The following GPHN variants were observed in gnomAD, a reference collection of about 807,000 sequenced individuals.
GPHN encodes gephyrin.
In GPHN, 17 loss-of-function variants were observed where a neutral mutation model predicts 95.5. The ratio of observed to expected loss-of-function variants is 0.18; its 90% CI spans 0.12 to 0.27. The LOEUF (loss-of-function observed/expected upper bound fraction) is 0.27. Among genes scored for constraint, GPHN ranks in the 10% least tolerant of loss-of-function variants. The pLI, the probability that GPHN is intolerant of heterozygous loss-of-function variation, is 1.00. For missense variants in GPHN, 660 were observed against 978.1 expected (o/e 0.67, Z 4.34); for synonymous variants, 320 against 322.5 (o/e 0.99, Z 0.08).
At chr14:67,642,118 G>A in the GPHN span, 5 of 1,453,404 alleles carry the variant, frequency 3.4e-6, no homozygotes, top group Non-Finnish European at 4.8e-6. Flanking sequence ...TTATCATTGT[G>A]GCCCAGGCTA....
the GPHN span, among the ~76,000 whole-genome samples, chr14:67,291,095 T>C: frequency 6.6e-6 from 1 of 152,106 alleles, no homozygotes; most frequent in African/African-American, 2.4e-5. Context: ...ACAAATTCTA[T>C]AATAAGAGCA....
chr14:67,176,442 G>A (rs747838336), intron 21 of GPHN, among the ~76,000 whole-genome samples: 1 of 152,154 alleles, frequency 6.6e-6, no homozygotes, highest in Non-Finnish European at 1.5e-5. Context: ...TGATCGTGGT[G>A]GATAAGCTTT....
At chr14:67,134,649 G>A (rs1187732195) in intron 17 of GPHN, among the ~76,000 whole-genome samples, 1 of 152,180 alleles carries the variant, frequency 6.6e-6, no homozygotes, top group Non-Finnish European at 1.5e-5. Context: ...TGTCTTGTGA[G>A]AGAGTTGTAT....
At chr14:67,301,366 T>A in the GPHN span, 2 of 1,563,578 alleles carry the variant, frequency 1.3e-6, no homozygotes, top group Non-Finnish European at 1.8e-6. Context: ...CTAGGAAGAA[T>A]AATCTTTATT....
chr14:67,128,417 C>T (rs1168149319), intron 17 of GPHN, among the ~76,000 whole-genome samples: 13 of 151,982 alleles, frequency 8.6e-5, no homozygotes, highest in African/African-American at 2.9e-4. Flanking sequence ...CCACCGTGCC[C>T]GGCTGCTGTT....
chr14:66,651,611 G>T (rs992044400), intron 1 of GPHN, among the ~76,000 whole-genome samples: 1 of 152,030 alleles, frequency 6.6e-6, no homozygotes, highest in Admixed American at 6.6e-5. Context: ...AAATTATGGT[G>T]GCCTTAAAAG....
chr14:66,959,076 T>A (rs1436832231), intron 8 of GPHN, among the ~76,000 whole-genome samples: 2 of 152,146 alleles, frequency 1.3e-5, no homozygotes, highest in African/African-American at 4.8e-5. Context: ...CAACTTAGTT[T>A]CAATATTATA....
At chr14:67,257,935 A>T in the GPHN span, among the ~76,000 whole-genome samples, 163 of 152,262 alleles carry the variant, frequency 1.1e-3, no homozygotes, top group African/African-American at 3.7e-3. Flanking sequence ...GTGTGTAAAA[A>T]CATTGCTGTC....
At chr14:67,150,440 C>CAAAAAA (rs1416536191) in intron 18 of GPHN, among the ~76,000 whole-genome samples, 5 of 17,000 alleles carry the variant, frequency 2.9e-4, no homozygotes, top group Non-Finnish European at 5.0e-4. Context: ...GACTCCGTCT[C>CAAAAAA]AAAAAAAAAA....
the GPHN span, among the ~76,000 whole-genome samples, chr14:67,227,200 G>C: frequency 2.0e-5 from 3 of 151,944 alleles, no homozygotes; most frequent in South Asian, 6.2e-4. Context: ...CCAGCACTTT[G>C]GGAGGCTGAG....
intron 1 of GPHN, among the ~76,000 whole-genome samples, chr14:66,548,902 T>C (rs1226791959): frequency 6.6e-6 from 1 of 152,212 alleles, no homozygotes; most frequent in East Asian, 1.9e-4. Flanking sequence ...ATTATACTTC[T>C]GAGGATCTAA....
chr14:66,509,312 C>T (rs2057937509), intron 1 of GPHN: 1 of 152,316 alleles, frequency 6.6e-6, no homozygotes, highest in South Asian at 2.1e-4. Context: ...GGGGATCCAG[C>T]TTTTTACTTG....
At chr14:67,699,534 G>T in the GPHN span, among the ~76,000 whole-genome samples, 1 of 144,440 alleles carries the variant, frequency 6.9e-6, no homozygotes, top group African/African-American at 2.6e-5. Context: ...AGGCTGCAGT[G>T]AGCTGTGATT....
chr14:66,703,721 T>C (rs1339067405), intron 2 of GPHN, among the ~76,000 whole-genome samples: 1 of 151,662 alleles, frequency 6.6e-6, no homozygotes, highest in East Asian at 1.9e-4. Context: ...ATCAAGAAAC[T>C]GCATCAACTA....
chr14:66,928,893 G>GT (rs930079141), intron 8 of GPHN, among the ~76,000 whole-genome samples: 10 of 151,830 alleles, frequency 6.6e-5, no homozygotes, highest in African/African-American at 2.4e-4. Flanking sequence ...TATGATTTCA[G>GT]TTTTTTTAAA....
At chr14:67,232,182 G>A in the GPHN span, among the ~76,000 whole-genome samples, 1 of 152,080 alleles carries the variant, frequency 6.6e-6, no homozygotes, top group Non-Finnish European at 1.5e-5. Flanking sequence ...TGGAGACTAG[G>A]TCATAAAACA....
chr14:66,595,723 A>C (rs1400065267), intron 1 of GPHN, among the ~76,000 whole-genome samples: 3 of 152,108 alleles, frequency 2.0e-5, no homozygotes, highest in Admixed American at 2.0e-4. Context: ...AGCCCCATTG[A>C]GGGTGTCACA....
the GPHN span, among the ~76,000 whole-genome samples, chr14:67,431,531 A>C: frequency 8.2e-4 from 124 of 152,030 alleles, 2 homozygotes; most frequent in African/African-American, 2.9e-3. Flanking sequence ...CCTACCCAAA[A>C]CATTTTAAAA....
chr14:67,060,465 A>G (rs943228335), intron 11 of GPHN, among the ~76,000 whole-genome samples: 1 of 152,202 alleles, frequency 6.6e-6, no homozygotes, highest in Non-Finnish European at 1.5e-5. Context: ...GCAAATGGGT[A>G]TTGTAATTAG....
Sources: allele counts gnomAD v4.1 joint callset (sites outside exome capture counted in the v4.1 genomes callset), GRCh38; gene constraint gnomAD v4.1.1; transcripts MANE v1.5; gene names NCBI Gene and HGNC (gene_info 2026-07-23, HGNC 2026-07-21).